LDB2: variants seen among roughly 807,000 people sequenced by gnomAD.
The protein encoded by LDB2 is LIM domain binding 2.
Under a neutral mutation model 44.3 loss-of-function variants are expected in LDB2, and 12 were observed. That is an observed-to-expected ratio of 0.27 (90% CI 0.17 to 0.44). LDB2 has a LOEUF of 0.44. Among genes scored for constraint, LDB2 ranks in the 20% least tolerant of loss-of-function variants. The probability of loss-of-function intolerance (pLI) is 1.00; values close to 1 mark genes in which losing one functional copy is unlikely to be tolerated. For synonymous variants in LDB2, 164 were observed against 174.8 expected (o/e 0.94, Z 0.49); for missense variants, 344 against 473.5 (o/e 0.73, Z 2.54).
At chr4:16,503,008 C>G (rs1011922590) in intron 7 of LDB2, 135 bp from the exon 8 acceptor site, 1 of 1,587,730 alleles carries the variant, frequency 6.3e-7, no homozygotes, top group Admixed American at 1.8e-5. Flanking sequence ...GTCTCAATGT[C>G]GGGGGCCGAG....
intron 7 of LDB2, 184 bp from the exon 8 acceptor site, chr4:16,503,057 C>T: frequency 1.3e-6 from 2 of 1,540,200 alleles, no homozygotes; most frequent in Non-Finnish European, 8.7e-7. Context: ...ACATCGCCTC[C>T]TGATGTGTAA....
chr4:16,653,327 C>A (rs1417533919), intron 2 of LDB2, among the ~76,000 whole-genome samples: 2 of 152,164 alleles, frequency 1.3e-5, no homozygotes, highest in Admixed American at 1.3e-4. Context: ...GGGTGGACAG[C>A]AGGTGAACTG....
chr4:16,845,105 A>G (rs1786694798), intron 1 of LDB2, among the ~76,000 whole-genome samples: 1 of 152,136 alleles, frequency 6.6e-6, no homozygotes, highest in South Asian at 2.1e-4. Flanking sequence ...TGGGGTCTCA[A>G]TTTCACTGTA....
chr4:16,509,095 G>A (rs1481204263), intron 6 of LDB2, among the ~76,000 whole-genome samples: 1 of 152,152 alleles, frequency 6.6e-6, no homozygotes, highest in Non-Finnish European at 1.5e-5. Context: ...GATCCCTAGG[G>A]TAACTAACTC....
chr4:16,537,041 C>T (rs1190282286), intron 5 of LDB2, among the ~76,000 whole-genome samples: 3 of 152,152 alleles, frequency 2.0e-5, no homozygotes, highest in Admixed American at 6.5e-5. Context: ...TTACAGTTTA[C>T]GTTTTTATGA....
At chr4:16,536,720 C>A (rs1732000351) in intron 5 of LDB2, among the ~76,000 whole-genome samples, 1 of 152,202 alleles carries the variant, frequency 6.6e-6, no homozygotes, top group Admixed American at 6.5e-5. Context: ...ATGGCTCAAG[C>A]AGGGAGTGTC....
intron 7 of LDB2, among the ~76,000 whole-genome samples, chr4:16,508,021 A>G (rs984827910): frequency 2.6e-5 from 4 of 152,154 alleles, no homozygotes; most frequent in African/African-American, 4.8e-5. Flanking sequence ...AGCTAATGCA[A>G]TGGGCTAAGC....
At chr4:16,758,518 C>T (rs1285635191) in intron 2 of LDB2, among the ~76,000 whole-genome samples, 1 of 152,180 alleles carries the variant, frequency 6.6e-6, no homozygotes, top group East Asian at 1.9e-4. Context: ...CAAATCTGAT[C>T]TCTGACAAGT....
chr4:16,888,848 G>C, intron 1 of LDB2: 4 of 360,658 alleles, frequency 1.1e-5, no homozygotes, highest in Non-Finnish European at 1.5e-5. Flanking sequence ...GAAAATTTAA[G>C]AAACTTCCTT....
rs71649986 is a variant in LDB2, at chr4:16,850,947, A to ATGTGTGTGT, written c.132+47406_132+47407insACACACACA. 5.6e-3 allele frequency among the ~76,000 whole-genome samples: 797 copies of ATGTGTGTGT among 143,174 alleles called. 8 individuals are homozygous for ATGTGTGTGT. Among genetic ancestry groups the ATGTGTGTGT allele is most frequent in the African/African-American group, 0.02 (761 of 37,622 alleles). 93.9% of individuals were successfully genotyped at this position (143,174 alleles called of 152,430 possible). On this transcript the variant is annotated intron_variant, in intron 1 of 7. Coordinates refer to ENST00000304523, the MANE Select transcript of LDB2 (RefSeq NM_001290.5). ...GATATAGGTAATAGTTAAAACCATA[A>ATGTGTGTGT]GTGTGTGTGTGTGTGTGTGTGTGTG... is the stretch of plus-strand genomic sequence containing the variant.
chr4:16,786,767 A>G (rs904328386), intron 1 of LDB2, among the ~76,000 whole-genome samples: 15 of 152,192 alleles, frequency 9.9e-5, no homozygotes, highest in Admixed American at 2.6e-4. Flanking sequence ...AGCTCTTCAA[A>G]TGCCTAAACA....
chr4:16,509,032 A>C (rs1318903016), intron 6 of LDB2, among the ~76,000 whole-genome samples: 3 of 152,170 alleles, frequency 2.0e-5, no homozygotes, highest in Non-Finnish European at 4.4e-5. Context: ...AAAATTTGGG[A>C]AACTTTTTTC....
chr4:16,657,614 A>C (rs1740271469), intron 2 of LDB2, among the ~76,000 whole-genome samples: 2 of 152,098 alleles, frequency 1.3e-5, no homozygotes, highest in South Asian at 4.1e-4. Context: ...ATATCTAATC[A>C]CTTTTTTCAC....
At chr4:16,737,375 T>C (rs897102369) in intron 2 of LDB2, among the ~76,000 whole-genome samples, 5 of 152,316 alleles carry the variant, frequency 3.3e-5, no homozygotes, top group Admixed American at 1.3e-4. Context: ...GCTATAGGCA[T>C]CAGCCCCCAC....
chr4:16,598,728 G>C (rs1265086753), intron 2 of LDB2, among the ~76,000 whole-genome samples: 2 of 152,026 alleles, frequency 1.3e-5, no homozygotes, highest in African/African-American at 4.8e-5. Context: ...GGAAATATAG[G>C]AGCCTGAATA....
At chr4:16,505,980 C>T (rs1035833816) in intron 7 of LDB2, 5 of 1,551,264 alleles carry the variant, frequency 3.2e-6, no homozygotes, top group African/African-American at 2.7e-5. Context: ...TCGCTCCTAG[C>T]CCCTGCTCAT....
intron 2 of LDB2, among the ~76,000 whole-genome samples, chr4:16,648,706 T>C (rs921294933): frequency 1.3e-5 from 2 of 152,222 alleles, no homozygotes; most frequent in Admixed American, 1.3e-4. Flanking sequence ...AGACTCTATT[T>C]AATTGCTTCT....
intron 2 of LDB2, among the ~76,000 whole-genome samples, chr4:16,607,583 T>C (rs1446573352): frequency 6.6e-6 from 1 of 152,214 alleles, no homozygotes; most frequent in Non-Finnish European, 1.5e-5. Context: ...TTGCAAATAT[T>C]AATAACACTA....
chr4:16,782,544 G>T (rs1208594453), intron 1 of LDB2, among the ~76,000 whole-genome samples: 1 of 151,980 alleles, frequency 6.6e-6, no homozygotes. Context: ...TAGAGACGGG[G>T]TTTCACCATA....
Sources: allele counts gnomAD v4.1 joint callset (sites outside exome capture counted in the v4.1 genomes callset), GRCh38; gene constraint gnomAD v4.1.1; transcripts MANE v1.5; gene names NCBI Gene and HGNC (gene_info 2026-07-23, HGNC 2026-07-21).